SEC14L5: variants seen among roughly 807,000 people sequenced by gnomAD.
SEC14L5 encodes the protein SEC14-like protein 5.
A neutral mutation model predicts 84.6 loss-of-function variants in SEC14L5; 96 were observed. The ratio of observed to expected loss-of-function variants is 1.13; its 90% CI spans 0.96 to 1.34. The LOEUF (loss-of-function observed/expected upper bound fraction) is 1.34. Ranked by LOEUF, SEC14L5 falls within the 40% of genes most tolerant of loss-of-function variation. SEC14L5 has a pLI of 0.00. For missense variants in SEC14L5, 1,224 were observed against 942.5 expected, an observed-to-expected ratio of 1.30 and a Z score of -3.91; for synonymous variants, 546 against 383.4, an observed-to-expected ratio of 1.42 and a Z score of -4.95.
intron 2 of SEC14L5, among the ~76,000 whole-genome samples, chr16:4,980,337 T>C (rs572529639): frequency 6.6e-6 from 1 of 152,250 alleles, no homozygotes; most frequent in African/African-American, 2.4e-5. Flanking sequence ...CTGGGAGAAG[T>C]ACCTTCCTTT....
chr16:5,001,186 C>G (rs1021346186), intron 10 of SEC14L5, among the ~76,000 whole-genome samples: 1 of 151,900 alleles, frequency 6.6e-6, no homozygotes, highest in Admixed American at 6.6e-5. Flanking sequence ...AACCTGGGGT[C>G]CTGTCTGGCT....
intron 7 of SEC14L5, 34 bp from the exon 8 acceptor site, chr16:4,996,821 C>G (rs376137745): frequency 1.9e-6 from 3 of 1,554,678 alleles, no homozygotes; most frequent in Non-Finnish European, 2.6e-6. Flanking sequence ...CAGGGGATAC[C>G]GTTCTGTGGG....
At chr16:4,980,152 C>G (rs1054115282) in intron 2 of SEC14L5, among the ~76,000 whole-genome samples, 1 of 152,204 alleles carries the variant, frequency 6.6e-6, no homozygotes, top group Admixed American at 6.5e-5. Flanking sequence ...TCCCATCTCA[C>G]CAGGGCATTG....
At position 5,005,549 on chromosome 16, in the gene SEC14L5, A is replaced by G. The variant is rs370540183; in HGVS notation, c.1303-365A>G. The stretch of plus-strand genomic sequence containing the variant: ...TATAATGATTAATTCTATGTTGTAT[A>G]AATTATATCTCAATAAAAAAATACA... On this transcript the variant is annotated intron_variant, in intron 11 of 15. Transcript: ENST00000251170. 6.3e-4 allele frequency among the ~76,000 whole-genome samples: 94 copies of G among 149,954 alleles called. 1 individual carries two copies. The highest frequency in any genetic ancestry group is 2.2e-3 in the African/African-American group (91 of 41,402).
At chr16:4,996,653 C>T (rs146289404) in intron 7 of SEC14L5, among the ~76,000 whole-genome samples, 193 bp downstream of exon 7, 5 of 152,064 alleles carry the variant, frequency 3.3e-5, no homozygotes, top group African/African-American at 9.6e-5. Context: ...CTCACTGCAA[C>T]CTTCGCCTCC....
intron 6 of SEC14L5, among the ~76,000 whole-genome samples, chr16:4,992,272 A>G (rs1315679077): frequency 6.6e-6 from 1 of 151,686 alleles, no homozygotes; most frequent in Non-Finnish European, 1.5e-5. Context: ...CTTTTTTGAG[A>G]CGGAGTCCCC....
chr16:5,014,452 C>T (rs1360527129), intron 15 of SEC14L5, among the ~76,000 whole-genome samples: 1 of 152,234 alleles, frequency 6.6e-6, no homozygotes, highest in Non-Finnish European at 1.5e-5. Flanking sequence ...AACCAGACAG[C>T]TGGGGGAGGA....
rs765045133 is a variant in SEC14L5, at chr16:5,007,462, C to G, written c.1548C>G (p.Ser516Arg). The G allele has an allele frequency of 1.2e-6, 2 of 1,613,474 alleles. No homozygotes were observed. The highest frequency in any genetic ancestry group is 1.7e-6 in the Non-Finnish European group (2 of 1,179,804). ...WQWSETYHSA[S>R]VLRGAPHEVA... ...GGAGTGAGACCTACCATTCAGCCAG[C>G]GTGCTCCGCGGAGCCCCCCACGAGG... Residue 516 changes from serine to arginine, a missense_variant, in exon 13 of 16, where the codon AGC (serine) becomes AGG (arginine). By Grantham distance (110) the Ser-to-Arg change is moderately radical (BLOSUM62 -1). Transcript: ENST00000251170.
At position 4,996,770 on chromosome 16, in the gene SEC14L5, C is replaced by A. The variant is rs1464764698; in HGVS notation, c.781-85C>A. 1.3e-5 allele frequency: 14 copies of A among 1,054,990 alleles called. No individual in the cohort carries two copies. In the South Asian group the frequency reaches 1.6e-4, roughly 12 times the overall value. The allele number at this position is 1,054,990 out of a possible 1,614,324, so 65.4% of individuals were successfully genotyped here. On this transcript the variant is annotated intron_variant, in intron 7 of 15. Transcript: ENST00000251170. ...TACTTTTTGTAGAGATGGGGTCTCA[C>A]CATGTTGCCCCGGCTGGTTCTGTAA...
chr16:5,001,188 T>C (rs1457491249), intron 10 of SEC14L5, among the ~76,000 whole-genome samples: 1 of 151,748 alleles, frequency 6.6e-6, no homozygotes, highest in Non-Finnish European at 1.5e-5. Flanking sequence ...CCTGGGGTCC[T>C]GTCTGGCTTC....
chr16:4,985,246 A>C (rs916495023), intron 2 of SEC14L5, among the ~76,000 whole-genome samples: 2 of 151,928 alleles, frequency 1.3e-5, no homozygotes, highest in Non-Finnish European at 2.9e-5. Flanking sequence ...TTTTTTTGAG[A>C]TGGAGTTTTG....
chr16:5,016,554 A>T lies in SEC14L5; in HGVS notation c.*1584A>T, dbSNP rs969650504. 1.3e-5 allele frequency: 2 copies of T among 152,136 alleles called. No homozygotes were observed. Among genetic ancestry groups the T allele is most frequent in the Non-Finnish European group, 2.9e-5 (2 of 68,032 alleles). The allele number at this position is 152,136 out of a possible 1,614,324, so 9.4% of individuals were successfully genotyped here. ...CGCCCAGCCCACATTACACATCCTC[A>T]TGACCTGCGTGGCAGGAGTCTCACT... is the stretch of plus-strand genomic sequence containing the variant. On this transcript the variant is annotated 3_prime_UTR_variant, in exon 16 of 16. Coordinates refer to ENST00000251170, the MANE Select transcript of SEC14L5 (RefSeq NM_014692.2).
intron 15 of SEC14L5, among the ~76,000 whole-genome samples, chr16:5,013,325 G>C (rs576741504): frequency 3.3e-5 from 5 of 152,248 alleles, no homozygotes; most frequent in African/African-American, 1.2e-4. Flanking sequence ...AAGTAATATG[G>C]AACGTGACAC....
chr16:5,000,311 A>G (rs961490216), intron 8 of SEC14L5, among the ~76,000 whole-genome samples: 1 of 152,114 alleles, frequency 6.6e-6, no homozygotes, highest in South Asian at 2.1e-4. Flanking sequence ...ATAAATAAAA[A>G]TGTTTTGTAG....
At position 5,000,637 on chromosome 16, in the gene SEC14L5, T is replaced by G; in HGVS notation, c.971-18T>G. ...CTAAATAACGGGCTCTTCTTTCTGC[T>G]TGGCCCCATCCACAAAGATGGCCGC... On this transcript the variant is annotated intron_variant, in intron 8 of 15. Transcript: ENST00000251170. 6.5e-7 allele frequency: 1 copy of G among 1,542,510 alleles called. No individual in the cohort carries two copies. Among genetic ancestry groups the G allele is most frequent in the Non-Finnish European group, 8.8e-7 (1 of 1,139,278 alleles).
In SEC14L5 at chr16:5,017,579, C is replaced by G. The variant is rs1350933279; in HGVS notation, c.*2609C>G. The G allele has an allele frequency of 6.6e-6, 1 of 152,242 alleles. No homozygotes were observed. The highest frequency in any genetic ancestry group is 1.9e-4 in the East Asian group (1 of 5,202). The allele number at this position is 152,242 out of a possible 1,614,324, so 9.4% of individuals were successfully genotyped here. On this transcript the variant is annotated 3_prime_UTR_variant, in exon 16 of 16. Coordinates refer to ENST00000251170, the MANE Select transcript of SEC14L5 (RefSeq NM_014692.2). Reference sequence around the variant, plus strand: ...TCATGGAAGGCTCTGATTGGCCCAGCTCGAGTCACATGCTTATTCCTGTGG... The same window carrying G: ...TCATGGAAGGCTCTGATTGGCCCAGGTCGAGTCACATGCTTATTCCTGTGG...
At chr16:4,958,755 C>T (rs79769939) in intron 1 of SEC14L5, among the ~76,000 whole-genome samples, 15,434 of 152,168 alleles carry the variant, frequency 0.1, 866 homozygotes, top group African/African-American at 0.13. Context: ...AAAGCAGTCC[C>T]GTGTGGGAGG....
chr16:4,990,294 C>G (rs902445521), intron 4 of SEC14L5, among the ~76,000 whole-genome samples: 1 of 152,060 alleles, frequency 6.6e-6, no homozygotes, highest in Non-Finnish European at 1.5e-5. Flanking sequence ...TCCCGAGTAG[C>G]TGGGATTACA....
chr16:4,995,155 C>A (rs1168511730), intron 6 of SEC14L5, among the ~76,000 whole-genome samples: 1 of 152,224 alleles, frequency 6.6e-6, no homozygotes, highest in Non-Finnish European at 1.5e-5. Context: ...GTTCATTCAG[C>A]CTGTTTTCTT....
Sources: allele counts gnomAD v4.1 joint callset (sites outside exome capture counted in the v4.1 genomes callset), GRCh38; gene constraint gnomAD v4.1.1; transcripts MANE v1.5; gene names NCBI Gene and HGNC (gene_info 2026-07-23, HGNC 2026-07-21).